The following NTRK1 variants were observed in gnomAD, a reference collection of about 807,000 sequenced individuals.
The protein encoded by NTRK1 is high affinity nerve growth factor receptor.
In NTRK1, 62 loss-of-function variants were observed where a neutral mutation model predicts 86.8. The ratio of observed to expected loss-of-function variants is 0.71; its 90% CI spans 0.58 to 0.88. NTRK1 has a LOEUF of 0.88. Among genes scored for constraint, NTRK1 ranks in the 40% least tolerant of loss-of-function variants. The pLI is 0.00. For synonymous variants in NTRK1, 469 were observed against 456.6 expected, an observed-to-expected ratio of 1.03 and a Z score of -0.35; for missense variants, 967 against 1,078.4, an observed-to-expected ratio of 0.90 and a Z score of 1.45.
chr1:156,857,157 CTGTGTATGTGTGTGTGTGTGTGTG>C (rs1655433976), upstream of NTRK1, among the ~76,000 whole-genome samples: 2 of 121,286 alleles, frequency 1.6e-5, no homozygotes, highest in African/African-American at 6.6e-5. Flanking sequence ...TGCCCAGCAG[CTGTGTATGTGTGTGTGTGTGTGTG>C]TGTGTGTGTG....
Position 156,874,383 on chromosome 1 carries a change from T to C in NTRK1, c.1178T>C (p.Val393Ala), listed in dbSNP as rs1647763425. ...FEFNPEDPIP[V>A]SFSPVDTNST... ...CTTTCTCTCCTCCCTCCTGCTGCAG[T>C]CTCCTTCTCGCCGGTGGGTGAGTAG... is the stretch of plus-strand genomic sequence containing the variant. The change falls in exon 9 of 17, where the codon GTC (valine) becomes GCC (alanine). Residue 393 changes from valine (V) to alanine (A), a missense_variant and splice_region_variant. Coordinates refer to ENST00000524377, the MANE Select transcript of NTRK1 (RefSeq NM_002529.4). The C allele has an allele frequency of 1.9e-6, 3 of 1,614,102 alleles. No individual in the cohort carries two copies. Among genetic ancestry groups the C allele is most frequent in the Non-Finnish European group, 2.5e-6 (3 of 1,180,012 alleles).
chr1:156,821,793 A>AG (rs1654198589), intron 1 of NTRK1, among the ~76,000 whole-genome samples: 2 of 152,190 alleles, frequency 1.3e-5, no homozygotes, highest in Non-Finnish European at 2.9e-5. Context: ...GAAGGGAGAA[A>AG]GGAGGAGCGA....
intron 2 of NTRK1, chr1:156,843,125 T>C (rs755049789): frequency 6.2e-7 from 1 of 1,614,112 alleles, no homozygotes; most frequent in Non-Finnish European, 8.5e-7. Context: ...CTCTCCAGCC[T>C]CAAGTCCTCG....
intron 15 of NTRK1, 142 bp downstream of exon 15, chr1:156,879,504 C>A: frequency 2.6e-6 from 3 of 1,144,240 alleles, no homozygotes; most frequent in Non-Finnish European, 3.6e-6. Flanking sequence ...CCTACCTCCT[C>A]GGCTCCTGGT....
intron 13 of NTRK1, 38 bp from the exon 14 acceptor site, chr1:156,876,362 G>GCCCCCAACTCAGTCCTGT: frequency 3.7e-6 from 6 of 1,612,908 alleles, no homozygotes; most frequent in Non-Finnish European, 5.1e-6. Context: ...TGAGGGCTCG[G>GCCCCCAACTCAGTCCTGT]CCCCCAACTC....
intron 1 of NTRK1, among the ~76,000 whole-genome samples, chr1:156,819,583 T>TA (rs1176030185): frequency 2.0e-5 from 3 of 151,986 alleles, no homozygotes; most frequent in South Asian, 2.1e-4. Flanking sequence ...TGCAATGGCA[T>TA]AATCTCGGCT....
At chr1:156,816,724 A>G (rs1305075946) in intron 1 of NTRK1, 2 of 1,592,458 alleles carry the variant, frequency 1.3e-6, no homozygotes, top group Non-Finnish European at 1.7e-6. Context: ...CAGCCTCACA[A>G]GGGATCCCAG....
At position 156,817,165 on chromosome 1, in the gene NTRK1, C is replaced by T. The variant is rs555435875; in HGVS notation, c.-64+1327C>T. ...GAGCAGTGGGAATGGGGATGTCAACCTCAAGGATAAGCCACACAAGGTGCT... is the reference window on the plus strand; with the variant it reads ...GAGCAGTGGGAATGGGGATGTCAACTTCAAGGATAAGCCACACAAGGTGCT... On this transcript the variant is annotated intron_variant, in intron 1 of 16. Transcript: ENST00000392302. Among the ~76,000 whole-genome samples the T allele has an allele frequency of 8.3e-4, 126 of 152,006 alleles. 1 individual carries two copies. In the Middle Eastern group the frequency reaches 0.02, roughly 25 times the overall value.
chr1:156,833,283 G>A (rs1404323005), intron 1 of NTRK1, among the ~76,000 whole-genome samples: 4 of 152,204 alleles, frequency 2.6e-5, no homozygotes, highest in African/African-American at 9.6e-5. Flanking sequence ...AAGGCTGGGC[G>A]TGGTGGCTCA....
chr1:156,823,312 C>T (rs1654236378), intron 1 of NTRK1, among the ~76,000 whole-genome samples: 1 of 152,214 alleles, frequency 6.6e-6, no homozygotes, highest in African/African-American at 2.4e-5. Flanking sequence ...GAGGAGAAGG[C>T]TCCAACTCCA....
rs781209572 is a variant in NTRK1, at chr1:156,876,544, C to T, written c.1777C>T (p.Arg593Trp). ...CCTGCTCATGGTCTTTGAGTATATG[C>T]GGCACGGGGACCTCAACCGCTTCCT... ...RPLLMVFEYM[R>W]HGDLNRFLRS... is the part of the protein sequence containing the mutation. Residue 593 changes from arginine to tryptophan, a missense_variant, in exon 14 of 17, where the codon CGG becomes TGG. Coordinates refer to ENST00000524377, the MANE Select transcript of NTRK1 (RefSeq NM_002529.4). 5.0e-5 allele frequency: 80 copies of T among 1,612,874 alleles called. No individual in the cohort carries two copies. The East Asian group carries it at 1.5e-3, about 30-fold the overall frequency.
At chr1:156,849,513 G>GGC in intron 2 of NTRK1, 11 of 486,114 alleles carry the variant, frequency 2.3e-5, no homozygotes, top group East Asian at 1.1e-4. Context: ...CAGGGGGTGG[G>GGC]AAAGGGGATG....
chr1:156,852,946 G>T (rs1297146067), intron 2 of NTRK1, among the ~76,000 whole-genome samples: 1 of 152,072 alleles, frequency 6.6e-6, no homozygotes, highest in Non-Finnish European at 1.5e-5. Flanking sequence ...ACCTCCAGGA[G>T]CTGAGTGGAA....
rs1655622722 is a variant in NTRK1 at position 156,861,067 on chromosome 1, T to C, written c.133T>C (p.Ser45Pro). 1 of 1,569,912 alleles carries C rather than the reference T, an allele frequency of 6.4e-7. No homozygotes were observed. The highest frequency in any genetic ancestry group is 8.6e-7 in the Non-Finnish European group (1 of 1,162,208). Reference protein sequence around the residue: ...PCPDACCPHGSSGLRCTRDGA... With the variant: ...PCPDACCPHGPSGLRCTRDGA... ...CCCCGATGCCTGCTGCCCCCACGGC[T>C]CCTCGGGACTGCGATGCACCCGGGA... The change falls in exon 1 of 17, where the codon TCC becomes CCC. Residue 45 changes from serine (S) to proline (P), a missense_variant. This residue lies in a region of NTRK1 where 330 missense variants were observed against 302.0 expected (regional missense o/e 1.09). Transcript: ENST00000524377.
intron 2 of NTRK1, among the ~76,000 whole-genome samples, chr1:156,848,634 T>C (rs552683977): frequency 6.6e-6 from 1 of 152,114 alleles, no homozygotes; most frequent in Non-Finnish European, 1.5e-5. Flanking sequence ...ATTAGCATAA[T>C]GAAGTGAAGT....
At chr1:156,845,556 C>CAA in intron 2 of NTRK1, 1 of 1,442,850 alleles carries the variant, frequency 6.9e-7, no homozygotes, top group Non-Finnish European at 9.3e-7. Context: ...ACCCCTCCCG[C>CAA]AAGACCCGCC....
intron 2 of NTRK1, chr1:156,843,352 T>C (rs1441578143): frequency 6.3e-7 from 1 of 1,578,072 alleles, no homozygotes; most frequent in Non-Finnish European, 8.7e-7. Context: ...TGCAAGAAGG[T>C]CTTCTGGAAG....
intron 7 of NTRK1, among the ~76,000 whole-genome samples, chr1:156,873,102 T>G (rs1647665090): frequency 6.7e-6 from 1 of 149,868 alleles, no homozygotes; most frequent in Admixed American, 6.7e-5. Context: ...CAGGCTGGAA[T>G]GCTTTGGGAT....
intron 2 of NTRK1, chr1:156,851,657 A>C: frequency 6.2e-7 from 1 of 1,614,174 alleles, no homozygotes; most frequent in Admixed American, 1.7e-5. Flanking sequence ...GCCCTGGCGA[A>C]GGTTGAGGAT....
Sources: gnomAD v4.1 joint callset for allele counts (sites outside exome capture counted in the v4.1 genomes callset) on GRCh38, gnomAD v4.1.1 for gene constraint, gnomAD v4.1.1 regional missense constraint, MANE v1.5 for transcripts, NCBI Gene and HGNC (gene_info 2026-07-23, HGNC 2026-07-21) for gene names.